Variants in SLC8A3 observed in about 807,000 individuals in gnomAD.
The protein encoded by SLC8A3 is sodium/calcium exchanger 3.
SLC8A3 carries 37 observed loss-of-function variants against 65.4 expected under a neutral mutation model. The ratio of observed to expected loss-of-function variants is 0.57; its 90% CI spans 0.44 to 0.74. The LOEUF (loss-of-function observed/expected upper bound fraction) is 0.74. Ranked by LOEUF, SLC8A3 falls within the 30% of genes least tolerant of loss-of-function variation. The pLI, the probability that SLC8A3 is intolerant of heterozygous loss-of-function variation, is 0.00. For missense variants in SLC8A3, 1,112 were observed against 1,172.1 expected (o/e 0.95, Z 0.75); for synonymous variants, 461 against 444.5 (o/e 1.04, Z -0.47).
At chr14:70,085,375 C>T (rs916041964) in intron 2 of SLC8A3, among the ~76,000 whole-genome samples, 3 of 152,112 alleles carry the variant, frequency 2.0e-5, no homozygotes, top group African/African-American at 7.2e-5. Context: ...ATGCATTCTC[C>T]TTGGACTGTA....
At position 70,051,028 on chromosome 14, in the gene SLC8A3, T is replaced by A; in HGVS notation, c.2093A>T (p.Glu698Val). The A allele has an allele frequency of 6.2e-7, 1 of 1,612,390 alleles. No individual in the cohort carries two copies. The highest frequency in any genetic ancestry group is 8.5e-7 in the Non-Finnish European group (1 of 1,178,526). The stretch of plus-strand genomic sequence containing the variant: ...CTCACCTGCACTGACGGTGATGGCC[T>A]CCATGAACTGGTCCCTCCAGGAATG... ...GTHSWRDQFM[E>V]AITVSAAGDE... Residue 698 changes from glutamate (E) to valine (V), a missense_variant, in exon 5 of 7, where the codon GAG (glutamate) becomes GTG (valine). Coordinates refer to ENST00000356921, the MANE Select transcript of SLC8A3 (RefSeq NM_182932.3).
intron 2 of SLC8A3, among the ~76,000 whole-genome samples, chr14:70,068,719 G>T (rs114735401): frequency 0.033 from 4,942 of 151,856 alleles, 284 homozygotes; most frequent in African/African-American, 0.11. Context: ...TATTAACATA[G>T]ATATTATTAT....
intron 2 of SLC8A3, among the ~76,000 whole-genome samples, chr14:70,097,272 A>C (rs1308053212): frequency 1.6e-5 from 2 of 122,642 alleles, no homozygotes; most frequent in Non-Finnish European, 3.4e-5. Context: ...CACCCTCAGA[A>C]AAGCATTTTC....
chr14:70,046,068 C>A lies in SLC8A3; in HGVS notation c.2645G>T (p.Gly882Val). Reference protein sequence around the residue: ...VLLYRRRPHLGGELGGPRGCK... With the variant: ...VLLYRRRPHLVGELGGPRGCK... Reference sequence around the variant, plus strand: ...GCCACGGGGGCCACCAAGCTCCCCTCCCAGGTGCGGCCGCCTTCGGTACAA... The same window carrying A: ...GCCACGGGGGCCACCAAGCTCCCCTACCAGGTGCGGCCGCCTTCGGTACAA... Residue 882 changes from glycine (G) to valine (V), a missense_variant, in exon 7 of 7, where the codon GGA becomes GTA. Physicochemically the swap from Gly to Val is moderately radical, Grantham distance 109 (BLOSUM62 -3). Coordinates refer to ENST00000356921, the MANE Select transcript of SLC8A3 (RefSeq NM_182932.3). The surrounding 1 kb of genome is among the most constrained non-coding windows in gnomAD (Gnocchi z 4.2). 1 of 1,614,144 alleles carries A rather than the reference C, an allele frequency of 6.2e-7. No homozygotes were observed. The highest frequency in any genetic ancestry group is 8.5e-7 in the Non-Finnish European group (1 of 1,180,014).
intron 2 of SLC8A3, among the ~76,000 whole-genome samples, chr14:70,078,204 C>T (rs1890716472): frequency 1.3e-5 from 2 of 152,158 alleles, no homozygotes; most frequent in African/African-American, 2.4e-5. Context: ...GAAAGCATAA[C>T]AATAGTGGCA....
chr14:70,111,265 T>C (rs1304834173), intron 2 of SLC8A3, among the ~76,000 whole-genome samples: 1 of 152,240 alleles, frequency 6.6e-6, no homozygotes, highest in East Asian at 1.9e-4. Flanking sequence ...TGATGATCAA[T>C]GCATCAGATT....
At chr14:70,077,633 A>T (rs973864352) in intron 2 of SLC8A3, among the ~76,000 whole-genome samples, 3 of 152,160 alleles carry the variant, frequency 2.0e-5, no homozygotes, top group Admixed American at 6.5e-5. Context: ...GTGGCAACTG[A>T]ATTTACTTCC....
At chr14:70,180,067 G>A (rs8021676) in intron 1 of SLC8A3, among the ~76,000 whole-genome samples, 99,938 of 151,930 alleles carry the variant, frequency 0.66, 33,494 homozygotes, top group South Asian at 0.72. Context: ...GCCTGAGGCC[G>A]ACATCGTTCC....
At chr14:70,089,610 T>C (rs1346752500) in intron 2 of SLC8A3, among the ~76,000 whole-genome samples, 3 of 152,130 alleles carry the variant, frequency 2.0e-5, no homozygotes, top group Admixed American at 6.5e-5. Context: ...TGACTAGATA[T>C]GAGGGAACAG....
At chr14:70,048,378 G>T in intron 6 of SLC8A3, 1 of 527,838 alleles carries the variant, frequency 1.9e-6, no homozygotes, top group Non-Finnish European at 3.3e-6. Context: ...ACTGTTTGTG[G>T]TCTACTCACA....
chr14:70,072,595 G>A (rs142366626), intron 2 of SLC8A3, among the ~76,000 whole-genome samples: 8 of 149,796 alleles, frequency 5.3e-5, no homozygotes, highest in African/African-American at 1.2e-4. Context: ...CTATCTATCC[G>A]TCCATCCATC....
intron 2 of SLC8A3, among the ~76,000 whole-genome samples, chr14:70,142,737 T>C (rs1895660805): frequency 1.3e-5 from 2 of 152,256 alleles, no homozygotes; most frequent in African/African-American, 2.4e-5. Flanking sequence ...GTTAGTATTT[T>C]GGTGGAAGGG....
chr14:70,167,539 T>C lies in SLC8A3; in HGVS notation c.884A>G (p.His295Arg), dbSNP rs769135593. The change falls in exon 2 of 7, where the codon CAT (histidine) becomes CGT (arginine). Residue 295 changes from histidine (H) to arginine (R), a missense_variant. Coordinates refer to ENST00000356921, the MANE Select transcript of SLC8A3 (RefSeq NM_182932.3). ...GGGCACCAGGTTCCCATCTAGAAAATGGGAATTCATCATTTTCCCATCCAT... is the reference window on the plus strand; with the variant it reads ...GGGCACCAGGTTCCCATCTAGAAAACGGGAATTCATCATTTTCCCATCCAT... Reference protein sequence around the residue: ...IEMDGKMMNSHFLDGNLVPLE... With the variant: ...IEMDGKMMNSRFLDGNLVPLE... The C allele has an allele frequency of 2.5e-6, 4 of 1,613,868 alleles. No individual in the cohort carries two copies. In the African/African-American group the frequency reaches 5.3e-5, roughly 22 times the overall value.
chr14:70,067,864 C>T (rs916243437), intron 2 of SLC8A3, among the ~76,000 whole-genome samples: 1 of 152,182 alleles, frequency 6.6e-6, no homozygotes, highest in Non-Finnish European at 1.5e-5. Flanking sequence ...GTTCTTCTTC[C>T]CGCACAGTGG....
intron 3 of SLC8A3, among the ~76,000 whole-genome samples, chr14:70,054,240 AG>A (rs1887823883): frequency 6.9e-6 from 1 of 145,214 alleles, no homozygotes; most frequent in East Asian, 2.3e-4. Context: ...TCTTCCTGCA[AG>A]GCGCCTGAGC....
rs759039156 is a variant in SLC8A3, at chr14:70,167,397, A to G, written c.1026T>C (p.Tyr342=). The change falls in exon 2 of 7, where the codon TAT becomes TAC. Residue 342 remains tyrosine, a synonymous_variant. Transcript: ENST00000356921. ...GGCTCTTCTGTTGGTGGGAAAGAGC[A>G]TAGTAATTGGCCATCTCCACCAGCT... ...LDQLVEMANY[Y]ALSHQQKSRA... 1.2e-6 allele frequency: 2 copies of G among 1,614,120 alleles called. No individual in the cohort carries two copies. Among genetic ancestry groups the G allele is most frequent in the East Asian group, 2.2e-5 (1 of 44,880 alleles).
At chr14:70,176,298 T>C (rs772690390) in intron 1 of SLC8A3, among the ~76,000 whole-genome samples, 1 of 152,214 alleles carries the variant, frequency 6.6e-6, no homozygotes, top group African/African-American at 2.4e-5. Context: ...TGCGTTTAAG[T>C]CATCCTCCTG....
intron 2 of SLC8A3, among the ~76,000 whole-genome samples, chr14:70,138,681 A>G (rs528059836): frequency 6.6e-5 from 10 of 152,354 alleles, no homozygotes; most frequent in African/African-American, 2.4e-4. Context: ...GAGTTCAGAA[A>G]AGATGGTCTT....
chr14:70,150,089 C>T (rs547491792), intron 2 of SLC8A3, among the ~76,000 whole-genome samples: 2 of 152,290 alleles, frequency 1.3e-5, no homozygotes, highest in East Asian at 1.9e-4. Context: ...CTGAGCAAAA[C>T]GCTGGCCCAG....
Sources: allele counts gnomAD v4.1 joint callset (sites outside exome capture counted in the v4.1 genomes callset), GRCh38; gene constraint gnomAD v4.1.1; non-coding constraint Gnocchi (gnomAD v3.1); transcripts MANE v1.5; gene names NCBI Gene and HGNC (gene_info 2026-07-23, HGNC 2026-07-21).